The following B3GALT1 variants were observed in gnomAD, a reference collection of about 807,000 sequenced individuals.
B3GALT1 encodes the protein UDP-Gal:betaGlcNAc beta 1,3-galactosyltransferase, polypeptide 1.
B3GALT1 carries 10 observed loss-of-function variants against 23.2 expected under a neutral mutation model. The ratio of observed to expected loss-of-function variants is 0.43; its 90% CI spans 0.27 to 0.73. The LOEUF is 0.73. Ranked by LOEUF, B3GALT1 falls within the 30% of genes least tolerant of loss-of-function variation. The pLI is 0.21. For synonymous variants in B3GALT1, 156 were observed against 141.5 expected (o/e 1.10, Z -0.73); for missense variants, 299 against 405.4 (o/e 0.74, Z 2.25).
Position 167,408,894 on chromosome 2 carries a change from T to C in B3GALT1, c.-510-81283T>C, listed in dbSNP as rs112050970. Among the ~76,000 whole-genome samples, 689 of 151,380 alleles carry C rather than the reference T, an allele frequency of 4.6e-3. 9 individuals are homozygous for C. The highest frequency in any genetic ancestry group is 0.016 in the African/African-American group (663 of 41,268). ...GACACACACACAAAATGGAAAGATA[T>C]TGCATGTTCATGGGTTGGAAGAATT... On this transcript the variant is annotated intron_variant, in intron 1 of 4. Transcript: ENST00000392690.
chr2:167,512,661 G>A (rs1700042863), intron 2 of B3GALT1, among the ~76,000 whole-genome samples: 3 of 136,978 alleles, frequency 2.2e-5, no homozygotes, highest in Admixed American at 7.5e-5. Context: ...TTTTGAGATA[G>A]GGTCTCATTC....
At chr2:167,631,325 A>T (rs1477913936) in intron 2 of B3GALT1, among the ~76,000 whole-genome samples, 1 of 151,864 alleles carries the variant, frequency 6.6e-6, no homozygotes, top group Non-Finnish European at 1.5e-5. Context: ...AGAAGAGAAA[A>T]GTTTGCCATA....
At chr2:167,417,541 T>C (rs761440890) in intron 1 of B3GALT1, among the ~76,000 whole-genome samples, 1 of 152,260 alleles carries the variant, frequency 6.6e-6, no homozygotes, top group Non-Finnish European at 1.5e-5. Context: ...AGTGTAGTTA[T>C]GTCATTTGAC....
chr2:167,389,637 G>A (rs1697984921), intron 1 of B3GALT1, among the ~76,000 whole-genome samples: 1 of 152,172 alleles, frequency 6.6e-6, no homozygotes, highest in African/African-American at 2.4e-5. Flanking sequence ...AACTAGAATT[G>A]CATGACAGTT....
intron 3 of B3GALT1, among the ~76,000 whole-genome samples, chr2:167,686,386 A>G (rs1686616103): frequency 6.6e-6 from 1 of 152,194 alleles, no homozygotes; most frequent in South Asian, 2.1e-4. Flanking sequence ...AATCTTAGAA[A>G]ATTCGGCAAT....
chr2:167,612,313 A>C (rs1463762899), intron 2 of B3GALT1, among the ~76,000 whole-genome samples: 1 of 151,740 alleles, frequency 6.6e-6, no homozygotes, highest in Non-Finnish European at 1.5e-5. Context: ...TAACCTTTTT[A>C]AATCTTTTGC....
At chr2:167,593,496 G>A (rs952734821) in intron 2 of B3GALT1, among the ~76,000 whole-genome samples, 1 of 152,192 alleles carries the variant, frequency 6.6e-6, no homozygotes, top group Non-Finnish European at 1.5e-5. Context: ...CATAACAGTG[G>A]TTACAGGGAA....
rs112122159 is a variant in B3GALT1, at chr2:167,835,014, G to C, written c.-230+16221G>C. ...ACTTGATAGATACGCCTATGTGATAGTCATAACCTCCTTGAAAAGCCTTTT... is the reference window on the plus strand; with the variant it reads ...ACTTGATAGATACGCCTATGTGATACTCATAACCTCCTTGAAAAGCCTTTT... On this transcript the variant is annotated intron_variant, in intron 4 of 4. Coordinates refer to ENST00000392690, the MANE Select transcript of B3GALT1 (RefSeq NM_020981.4). 3.6e-3 allele frequency among the ~76,000 whole-genome samples: 544 copies of C among 152,194 alleles called. 5 individuals carry two copies. Among genetic ancestry groups the C allele is most frequent in the African/African-American group, 0.012 (513 of 41,536 alleles).
intron 3 of B3GALT1, among the ~76,000 whole-genome samples, chr2:167,810,465 T>C (rs1688864150): frequency 6.6e-6 from 1 of 150,956 alleles, no homozygotes; most frequent in African/African-American, 2.5e-5. Flanking sequence ...AGTGAACAGA[T>C]TGGTATTTAG....
intron 1 of B3GALT1, among the ~76,000 whole-genome samples, chr2:167,352,268 GTTT>G (rs1207331983): frequency 3.1e-5 from 1 of 32,318 alleles, no homozygotes; most frequent in Non-Finnish European, 9.8e-5. Context: ...TGCCTGGCCT[GTTT>G]TTTTTTTTGT....
intron 1 of B3GALT1, among the ~76,000 whole-genome samples, chr2:167,387,049 C>G (rs1224885789): frequency 6.7e-6 from 1 of 149,302 alleles, no homozygotes; most frequent in Non-Finnish European, 1.5e-5. Context: ...GGTAAGGAAA[C>G]TGCCTTGGAA....
chr2:167,418,711 C>G (rs527332146), intron 1 of B3GALT1, among the ~76,000 whole-genome samples: 77 of 137,964 alleles, frequency 5.6e-4, no homozygotes, highest in African/African-American at 2.0e-3. Context: ...GAGTTTTACT[C>G]TTGTCGCCCA....
intron 1 of B3GALT1, among the ~76,000 whole-genome samples, chr2:167,391,560 A>G (rs997921364): frequency 2.0e-5 from 3 of 152,150 alleles, no homozygotes; most frequent in Non-Finnish European, 4.4e-5. Flanking sequence ...GGTAGGTATA[A>G]TTTTGCTAAA....
chr2:167,410,647 C>T (rs1369520226), intron 1 of B3GALT1, among the ~76,000 whole-genome samples: 1 of 151,952 alleles, frequency 6.6e-6, no homozygotes, highest in Non-Finnish European at 1.5e-5. Flanking sequence ...GGCTTAAAAC[C>T]TAGATGATGG....
chr2:167,676,561 A>ATG (rs1686431155), intron 3 of B3GALT1, among the ~76,000 whole-genome samples: 1 of 151,102 alleles, frequency 6.6e-6, no homozygotes, highest in African/African-American at 2.4e-5. Flanking sequence ...ACACATATAT[A>ATG]TGTGTATGCA....
chr2:167,347,277 T>C (rs1267127449), intron 1 of B3GALT1, among the ~76,000 whole-genome samples: 1 of 152,164 alleles, frequency 6.6e-6, no homozygotes, highest in African/African-American at 2.4e-5. Context: ...TCGAAAGGGG[T>C]ATCTTTAAGA....
intron 3 of B3GALT1, among the ~76,000 whole-genome samples, chr2:167,719,946 A>G (rs929764204): frequency 6.6e-6 from 1 of 151,880 alleles, no homozygotes; most frequent in Admixed American, 6.6e-5. Flanking sequence ...AAAAAAAAAG[A>G]AAGTCCAGGA....
intron 3 of B3GALT1, among the ~76,000 whole-genome samples, chr2:167,678,431 A>G (rs1574208190): frequency 6.6e-6 from 1 of 152,304 alleles, no homozygotes; most frequent in Admixed American, 6.5e-5. Context: ...GAGCATCACA[A>G]TCCGAGCTTA....
chr2:167,569,968 G>A (rs537066412), intron 2 of B3GALT1, among the ~76,000 whole-genome samples: 94 of 151,928 alleles, frequency 6.2e-4, no homozygotes, highest in Non-Finnish European at 1.2e-3. Flanking sequence ...GTAATAGATC[G>A]TGTTAATAGG....
Sources: allele counts gnomAD v4.1 joint callset (sites outside exome capture counted in the v4.1 genomes callset), GRCh38; gene constraint gnomAD v4.1.1; transcripts MANE v1.5; gene names NCBI Gene and HGNC (gene_info 2026-07-23, HGNC 2026-07-21).